The following EMCN variants were observed in gnomAD, a reference collection of about 807,000 sequenced individuals.
EMCN encodes the protein MUC-14.
A neutral mutation model predicts 38.4 loss-of-function variants in EMCN; 37 were observed. That is an observed-to-expected ratio of 0.96 (90% CI 0.74 to 1.27). The LOEUF (loss-of-function observed/expected upper bound fraction) is 1.27, where lower values mean the gene tolerates loss of function less well. Ranked by LOEUF, EMCN falls within the 50% of genes most tolerant of loss-of-function variation. The pLI is 0.00. For missense variants in EMCN, 318 were observed against 302.8 expected, an observed-to-expected ratio of 1.05 and a Z score of -0.37; for synonymous variants, 95 against 100.8, an observed-to-expected ratio of 0.94 and a Z score of 0.35.
intron 4 of EMCN, among the ~76,000 whole-genome samples, chr4:100,452,625 A>C (rs868061081): frequency 2.6e-5 from 4 of 152,108 alleles, no homozygotes; most frequent in African/African-American, 7.2e-5. Context: ...ATCTCCTTTA[A>C]AATCTGGTTA....
intron 3 of EMCN, among the ~76,000 whole-genome samples, chr4:100,467,532 A>T (rs1000939233): frequency 6.6e-6 from 1 of 151,760 alleles, no homozygotes; most frequent in African/African-American, 2.4e-5. Flanking sequence ...CAAAAAAAAA[A>T]TTAGCCGGGC....
chr4:100,507,805 TA>T, intron 1 of EMCN, among the ~76,000 whole-genome samples: 1 of 152,164 alleles, frequency 6.6e-6, no homozygotes, highest in East Asian at 1.9e-4. Context: ...GTCTTTTTTC[TA>T]GCCCCACGCC....
At chr4:100,417,216 C>G (rs1195953501) in intron 8 of EMCN, 75 bp from the exon 9 acceptor site, 2 of 1,248,010 alleles carry the variant, frequency 1.6e-6, no homozygotes, top group Non-Finnish European at 2.4e-6. Flanking sequence ...CCCTCTAACC[C>G]CCTCACCTGC....
intron 10 of EMCN, 77 bp downstream of exon 10, chr4:100,415,821 A>T (rs967371413): frequency 2.0e-6 from 2 of 986,134 alleles, no homozygotes; most frequent in Non-Finnish European, 3.1e-6. Context: ...TTTATGTTTC[A>T]CATGAACAAA....
rs1367923841 is a variant in EMCN, at chr4:100,421,385, G to A, written c.569-8C>T. 6.2e-7 allele frequency: 1 copy of A among 1,607,262 alleles called. No homozygotes were observed. The highest frequency in any genetic ancestry group is 1.7e-5 in the Admixed American group (1 of 59,724). ...CCACCGGCAAAATAATACCTAAAAA[G>A]AATTGGAGACATTGTCAATTAGAGT... On this transcript the variant is annotated splice_region_variant and splice_polypyrimidine_tract_variant and intron_variant, in intron 7 of 11. Coordinates refer to ENST00000296420, the MANE Select transcript of EMCN (RefSeq NM_016242.4).
chr4:100,509,772 G>A (rs1397366563), intron 1 of EMCN, among the ~76,000 whole-genome samples: 2 of 152,112 alleles, frequency 1.3e-5, no homozygotes, highest in African/African-American at 4.8e-5. Context: ...ATTATGTAAA[G>A]GTATTATGGC....
intron 5 of EMCN, among the ~76,000 whole-genome samples, chr4:100,424,454 C>T (rs190006021): frequency 3.0e-4 from 45 of 152,106 alleles, no homozygotes; most frequent in African/African-American, 9.6e-4. Flanking sequence ...GCTCCTTGGG[C>T]GTATTGAGGC....
intron 4 of EMCN, among the ~76,000 whole-genome samples, chr4:100,458,022 C>T (rs1257062433): frequency 2.0e-5 from 3 of 151,840 alleles, no homozygotes; most frequent in Admixed American, 6.6e-5. Flanking sequence ...GAGGCTGATG[C>T]AGAGAACTGC....
At chr4:100,452,236 A>G (rs889421670) in intron 4 of EMCN, among the ~76,000 whole-genome samples, 2 of 152,076 alleles carry the variant, frequency 1.3e-5, no homozygotes, top group African/African-American at 4.8e-5. Flanking sequence ...TAAACTCCAT[A>G]TTAAACTAAG....
At chr4:100,454,832 AC>A (rs1727965003) in intron 4 of EMCN, among the ~76,000 whole-genome samples, 1 of 152,020 alleles carries the variant, frequency 6.6e-6, no homozygotes, top group Non-Finnish European at 1.5e-5. Context: ...TTCCTTTGAA[AC>A]CTTCTCTGTC....
intron 8 of EMCN, among the ~76,000 whole-genome samples, chr4:100,417,742 T>C (rs1726775691): frequency 1.3e-5 from 2 of 152,124 alleles, no homozygotes; most frequent in South Asian, 2.1e-4. Flanking sequence ...AGAAAACACC[T>C]GGGGTTTAGA....
intron 3 of EMCN, 36 bp downstream of exon 3, chr4:100,475,001 AT>A (rs759674386): frequency 1.7e-6 from 2 of 1,153,154 alleles, no homozygotes; most frequent in South Asian, 3.3e-5. Flanking sequence ...TGAATTATAT[AT>A]TTTTTAAAAT....
chr4:100,423,531 T>C, intron 5 of EMCN, 127 bp from the exon 6 acceptor site: 1 of 660,946 alleles, frequency 1.5e-6, no homozygotes, highest in Non-Finnish European at 2.7e-6. Context: ...AATAGTAGGA[T>C]AAATGCAATC....
chr4:100,447,890 T>G (rs1727722435), intron 4 of EMCN, among the ~76,000 whole-genome samples: 2 of 152,100 alleles, frequency 1.3e-5, no homozygotes, highest in Non-Finnish European at 2.9e-5. Context: ...TGGGAATAAC[T>G]GTGTGCCAAT....
intron 2 of EMCN, 143 bp from the exon 3 acceptor site, chr4:100,475,252 T>G (rs1728602744): frequency 2.8e-6 from 1 of 356,406 alleles, no homozygotes; most frequent in African/African-American, 2.1e-5. Context: ...TCGTTTTGTC[T>G]AAAGAATATA....
intron 11 of EMCN, among the ~76,000 whole-genome samples, chr4:100,398,788 C>T (rs1263288290): frequency 6.6e-6 from 1 of 152,152 alleles, no homozygotes; most frequent in Non-Finnish European, 1.5e-5. Context: ...TTCCTCCATA[C>T]TGCAGCTCCC....
rs547874621 is a variant in EMCN at position 100,485,582 on chromosome 4, AAG to A, written c.65-5545_65-5544del. ...AAATTTCTGTCTTTCTCACATATTA[AAG>A]AGATATATAAAATATATACATAAAA... On this transcript the variant is annotated intron_variant, in intron 1 of 11. Coordinates refer to ENST00000296420, the MANE Select transcript of EMCN (RefSeq NM_016242.4). Among the ~76,000 whole-genome samples the A allele has an allele frequency of 2.8e-4, 43 of 151,658 alleles. No homozygotes were observed. The East Asian group carries it at 7.7e-3, about 27-fold the overall frequency.
intron 1 of EMCN, among the ~76,000 whole-genome samples, chr4:100,503,491 T>C (rs1729402678): frequency 6.6e-6 from 1 of 152,208 alleles, no homozygotes; most frequent in African/African-American, 2.4e-5. Context: ...ACCAACCTTA[T>C]CATTACACAT....
intron 4 of EMCN, among the ~76,000 whole-genome samples, chr4:100,449,789 A>G (rs1183138703): frequency 6.6e-6 from 1 of 152,008 alleles, no homozygotes; most frequent in Non-Finnish European, 1.5e-5. Flanking sequence ...CATCACTTCA[A>G]AACCCTTCTG....
Sources: allele counts gnomAD v4.1 joint callset (sites outside exome capture counted in the v4.1 genomes callset), GRCh38; gene constraint gnomAD v4.1.1; transcripts MANE v1.5; gene names NCBI Gene and HGNC (gene_info 2026-07-23, HGNC 2026-07-21).